The following RABGAP1L variants were observed in gnomAD, a reference collection of about 807,000 sequenced individuals.
RABGAP1L encodes rab GTPase-activating protein 1-like.
RABGAP1L carries 63 observed loss-of-function variants against 137.7 expected under a neutral mutation model. The ratio of observed to expected loss-of-function variants is 0.46; its 90% CI spans 0.37 to 0.56. The LOEUF (loss-of-function observed/expected upper bound fraction) is 0.56. Among genes scored for constraint, RABGAP1L ranks in the 20% least tolerant of loss-of-function variants. The pLI is 0.00. For missense variants in RABGAP1L, 1,095 were observed against 1,244.0 expected, an observed-to-expected ratio of 0.88 and a Z score of 1.80; for synonymous variants, 431 against 433.7, an observed-to-expected ratio of 0.99 and a Z score of 0.08.
chr1:174,929,724 G>C (rs907661142), intron 19 of RABGAP1L, among the ~76,000 whole-genome samples: 3 of 147,134 alleles, frequency 2.0e-5, no homozygotes, highest in African/African-American at 5.1e-5. Context: ...TTCCAGCCTG[G>C]GTGACAGAGG....
chr1:174,618,015 G>T (rs561140744), intron 13 of RABGAP1L, among the ~76,000 whole-genome samples: 1 of 152,312 alleles, frequency 6.6e-6, no homozygotes, highest in South Asian at 2.1e-4. Flanking sequence ...TGGCTTGGAG[G>T]GTCCTATGCC....
At chr1:174,719,355 T>A (rs1041920749) in intron 17 of RABGAP1L, among the ~76,000 whole-genome samples, 3 of 152,234 alleles carry the variant, frequency 2.0e-5, no homozygotes, top group African/African-American at 7.2e-5. Flanking sequence ...TGTCTTCCTA[T>A]CTTCAACCTT....
At chr1:174,760,276 C>T (rs114402948) in intron 18 of RABGAP1L, among the ~76,000 whole-genome samples, 3,710 of 151,928 alleles carry the variant, frequency 0.024, 147 homozygotes, top group African/African-American at 0.085. Context: ...CAGATTATTT[C>T]TTCACCCAGG....
chr1:174,307,874 T>C (rs1678453087), intron 11 of RABGAP1L, among the ~76,000 whole-genome samples: 1 of 152,148 alleles, frequency 6.6e-6, no homozygotes, highest in South Asian at 2.1e-4. Flanking sequence ...CTATTTTTAA[T>C]TTTTTGAGGA....
At chr1:174,403,964 A>G (rs1648952303) in intron 13 of RABGAP1L, among the ~76,000 whole-genome samples, 1 of 152,146 alleles carries the variant, frequency 6.6e-6, no homozygotes, top group African/African-American at 2.4e-5. Context: ...GTGTTATATA[A>G]TCAAGACTAG....
At chr1:174,419,237 C>G (rs769803989) in intron 13 of RABGAP1L, among the ~76,000 whole-genome samples, 1 of 152,160 alleles carries the variant, frequency 6.6e-6, no homozygotes. Context: ...AATGTGCATT[C>G]AAACCACCTG....
At chr1:174,514,410 G>A (rs1312973447) in intron 13 of RABGAP1L, among the ~76,000 whole-genome samples, 1 of 152,142 alleles carries the variant, frequency 6.6e-6, no homozygotes, top group African/African-American at 2.4e-5. Context: ...AGTTCCTCAA[G>A]AAGCTTGACC....
intron 13 of RABGAP1L, among the ~76,000 whole-genome samples, chr1:174,440,106 A>G (rs1401635367): frequency 6.6e-6 from 1 of 152,142 alleles, no homozygotes; most frequent in Non-Finnish European, 1.5e-5. Flanking sequence ...GAACATAGCA[A>G]ATATATTTGT....
chr1:174,216,447 A>G (rs1036918423), intron 1 of RABGAP1L, among the ~76,000 whole-genome samples: 2 of 152,172 alleles, frequency 1.3e-5, no homozygotes, highest in Non-Finnish European at 2.9e-5. Flanking sequence ...AATTAAAAAT[A>G]AAGGAGTAAA....
At chr1:174,177,965 T>C (rs1666029655) in intron 1 of RABGAP1L, among the ~76,000 whole-genome samples, 1 of 152,158 alleles carries the variant, frequency 6.6e-6, no homozygotes, top group African/African-American at 2.4e-5. Context: ...GCTATATGGA[T>C]TGTTTTTTGG....
At chr1:174,976,360 T>G (rs1043727462) in intron 22 of RABGAP1L, among the ~76,000 whole-genome samples, 178 bp downstream of exon 22, 1 of 152,210 alleles carries the variant, frequency 6.6e-6, no homozygotes, top group African/African-American at 2.4e-5. Context: ...ATTTTTTTTT[T>G]GAAGGGTGTT....
intron 13 of RABGAP1L, among the ~76,000 whole-genome samples, chr1:174,633,062 G>A (rs1054534876): frequency 3.3e-5 from 5 of 152,028 alleles, no homozygotes; most frequent in African/African-American, 7.3e-5. Flanking sequence ...GAAATAAAGG[G>A]TATTCAATTA....
chr1:174,914,678 A>T (rs1660565010), intron 19 of RABGAP1L, among the ~76,000 whole-genome samples: 1 of 152,114 alleles, frequency 6.6e-6, no homozygotes, highest in African/African-American at 2.4e-5. Flanking sequence ...CAACAGCCTT[A>T]TAAAGGTATA....
At chr1:174,713,698 A>C (rs1201067325) in intron 17 of RABGAP1L, among the ~76,000 whole-genome samples, 1 of 152,224 alleles carries the variant, frequency 6.6e-6, no homozygotes, top group Admixed American at 6.5e-5. Context: ...AAGAACTGTA[A>C]GCCAAAATAA....
chr1:174,582,471 G>A (rs1410007298), intron 13 of RABGAP1L, among the ~76,000 whole-genome samples: 1 of 152,014 alleles, frequency 6.6e-6, no homozygotes, highest in Non-Finnish European at 1.5e-5. Flanking sequence ...ACCTGGCAGT[G>A]GTGCGTGCCT....
chr1:174,310,937 A>G (rs1323918747), intron 11 of RABGAP1L, among the ~76,000 whole-genome samples: 2 of 152,152 alleles, frequency 1.3e-5, no homozygotes, highest in East Asian at 3.8e-4. Context: ...TTTAAATTGT[A>G]CAATTAAGTT....
intron 13 of RABGAP1L, among the ~76,000 whole-genome samples, chr1:174,624,958 C>T (rs181658984): frequency 6.6e-6 from 1 of 151,392 alleles, no homozygotes; most frequent in Non-Finnish European, 1.5e-5. Context: ...GCAACCTCCG[C>T]CCCCCTGAGT....
intron 19 of RABGAP1L, among the ~76,000 whole-genome samples, chr1:174,910,537 G>A (rs116439611): frequency 0.028 from 4,264 of 152,018 alleles, 194 homozygotes; most frequent in African/African-American, 0.097. Context: ...TTTTTTCAAC[G>A]TAACAGTGGA....
At chr1:174,806,169 G>A (rs1169686535) in intron 18 of RABGAP1L, among the ~76,000 whole-genome samples, 1 of 152,110 alleles carries the variant, frequency 6.6e-6, no homozygotes, top group Non-Finnish European at 1.5e-5. Context: ...GCCTTTTAGG[G>A]GTACATTTTT....
Sources: gnomAD v4.1 joint callset for allele counts (sites outside exome capture counted in the v4.1 genomes callset) on GRCh38, gnomAD v4.1.1 for gene constraint, MANE v1.5 for transcripts, NCBI Gene and HGNC (gene_info 2026-07-23, HGNC 2026-07-21) for gene names.